Variants in ABCA9 observed in about 807,000 individuals in gnomAD.
ABCA9 encodes the protein ATP binding cassette subfamily A member 9, also known as ATP-binding cassette sub-family A member 9.
Under a neutral mutation model 205.3 loss-of-function variants are expected in ABCA9, and 183 were observed. The ratio of observed to expected loss-of-function variants is 0.89; its 90% confidence interval spans 0.79 to 1.01. The LOEUF (loss-of-function observed/expected upper bound fraction) is 1.01, where lower values mean the gene tolerates loss of function less well. ABCA9 is among the 50% of genes least tolerant of loss of function. ABCA9 has a pLI of 0.00. For missense variants in ABCA9, 1,805 were observed against 1,912.4 expected (o/e 0.94, Z 1.05); for synonymous variants, 651 against 683.3 (o/e 0.95, Z 0.74).
chr17:68,997,394 T>G (rs1289352161), intron 25 of ABCA9, among the ~76,000 whole-genome samples: 1 of 152,098 alleles, frequency 6.6e-6, no homozygotes, highest in African/African-American at 2.4e-5. Context: ...ACTTTATGAA[T>G]TTTTTCTATT....
chr17:68,997,146 G>A (rs1427270339), intron 25 of ABCA9, among the ~76,000 whole-genome samples: 1 of 152,190 alleles, frequency 6.6e-6, no homozygotes, highest in Non-Finnish European at 1.5e-5. Flanking sequence ...GGCTAGGCTG[G>A]TCTCGAACTC....
In ABCA9 at chr17:69,017,933, G is replaced by GT. The variant is rs1318303696; in HGVS notation, c.2768-145dup. On this transcript the variant is annotated intron_variant, in intron 20 of 38. Coordinates refer to ENST00000340001, the MANE Select transcript of ABCA9 (RefSeq NM_080283.4). ...TTAAAAAAGCAGAATTGATGTTCTG[G>GT]TACAACAATCCAGTCTAACATCATA... 22 of 871,026 alleles carry GT rather than the reference G, an allele frequency of 2.5e-5. No homozygotes were observed. The Admixed American group carries it at 5.7e-4, about 22-fold the overall frequency. 54.0% of individuals were successfully genotyped at this position (871,026 alleles called of 1,614,324 possible). A position where few individuals can be genotyped will look rare whatever the true frequency, so the allele number is the denominator to read the frequency against.
Position 69,027,154 on chromosome 17 carries a change from G to C in ABCA9, c.1912-40C>G, listed in dbSNP as rs9899818. On this transcript the variant is annotated intron_variant, in intron 14 of 38. Coordinates refer to ENST00000340001, the MANE Select transcript of ABCA9 (RefSeq NM_080283.4). ...AGTCCTAAAGTAATTCCACCCTTTC[G>C]GATAAGATCCTTTTAAAAAGCACTG... 21 of 1,602,922 alleles carry C rather than the reference G, an allele frequency of 1.3e-5. No homozygotes were observed. In the Admixed American group the frequency reaches 3.7e-4, roughly 28 times the overall value.
rs2069131932 is a variant in ABCA9 at position 68,983,589 on chromosome 17, A to T, written c.4640+120T>A. ...CTTGGAATTGAATTTCTCTTAAGTA[A>T]AGTACTTGCAATTACCATAGAGTTA... On this transcript the variant is annotated intron_variant, in intron 36 of 38. Coordinates refer to ENST00000340001, the MANE Select transcript of ABCA9 (RefSeq NM_080283.4). 2.9e-6 allele frequency: 4 copies of T among 1,357,742 alleles called. No individual in the cohort carries two copies. The South Asian group carries it at 5.8e-5, about 20-fold the overall frequency. The allele number at this position is 1,357,742 out of a possible 1,614,324, so 84.1% of individuals were successfully genotyped here. A position where few individuals can be genotyped will look rare whatever the true frequency, so the allele number is the denominator to read the frequency against.
At chr17:68,980,246 C>T (rs534854362) in intron 37 of ABCA9, among the ~76,000 whole-genome samples, 100 of 152,210 alleles carry the variant, frequency 6.6e-4, no homozygotes, top group African/African-American at 2.3e-3. Flanking sequence ...TACCATCTCA[C>T]ACCAGTTAGA....
upstream of ABCA9, among the ~76,000 whole-genome samples, chr17:69,063,665 C>T (rs1270510493): frequency 6.6e-6 from 1 of 152,072 alleles, no homozygotes; most frequent in Admixed American, 6.5e-5. Context: ...CTCCGCCTCC[C>T]GGGTTCATGC....
intron 16 of ABCA9, among the ~76,000 whole-genome samples, chr17:69,025,915 C>T (rs1194026118): frequency 6.6e-6 from 1 of 151,340 alleles, no homozygotes; most frequent in Non-Finnish European, 1.5e-5. Context: ...TTAGTAAGTA[C>T]CTAAAACATA....
chr17:69,032,691 C>G (rs1276731208), intron 9 of ABCA9: 1 of 155,014 alleles, frequency 6.5e-6, no homozygotes, highest in Non-Finnish European at 1.4e-5. Flanking sequence ...CCTCTGCTTC[C>G]CGGGTTCAAG....
chr17:69,076,813 A>C, the ABCA9 span, among the ~76,000 whole-genome samples: 2 of 152,116 alleles, frequency 1.3e-5, no homozygotes, highest in Non-Finnish European at 2.9e-5. Context: ...TGTTCATAAT[A>C]GTCTCAGAGG....
intron 21 of ABCA9, among the ~76,000 whole-genome samples, chr17:69,017,179 A>G (rs1451606365): frequency 6.6e-6 from 1 of 152,150 alleles, no homozygotes. Context: ...GACACCTAAC[A>G]GCTATGATTT....
chr17:68,998,402 G>A lies in ABCA9; in HGVS notation c.3436-2388C>T, dbSNP rs563778076. Among the ~76,000 whole-genome samples the A allele has an allele frequency of 4.6e-5, 7 of 152,282 alleles. No homozygotes were observed. In the East Asian group the frequency reaches 1.2e-3, roughly 25 times the overall value. On this transcript the variant is annotated intron_variant, in intron 25 of 38. Transcript: ENST00000340001. Reference sequence around the variant, plus strand: ...AAATTCCATTTCCTTTCCCTCAGATGTGTGAAAAGTGACACATGGAATTGT... The same window carrying A: ...AAATTCCATTTCCTTTCCCTCAGATATGTGAAAAGTGACACATGGAATTGT...
At chr17:69,020,632 C>A in intron 18 of ABCA9, 46 bp from the exon 19 acceptor site, 1 of 1,553,256 alleles carries the variant, frequency 6.4e-7, no homozygotes, top group South Asian at 1.1e-5. Context: ...TTTAGTTATG[C>A]ATTATTTAGC....
Position 69,032,249 on chromosome 17 carries a change from A to G in ABCA9, c.1304T>C (p.Leu435Ser). ...CCAAAAACAGGATTTCAGGAAAAAC[A>G]AGGGAGAACATCGATGTCCATATTC... Reference protein sequence around the residue: ...PAEYGHRCSPLFFLKSCFWFQ... With the variant: ...PAEYGHRCSPSFFLKSCFWFQ... The change falls in exon 10 of 39, where the codon TTG becomes TCG. Residue 435 changes from leucine to serine, a missense_variant. Coordinates refer to ENST00000340001, the MANE Select transcript of ABCA9 (RefSeq NM_080283.4). 6.2e-7 allele frequency: 1 copy of G among 1,613,976 alleles called. No homozygotes were observed. Among genetic ancestry groups the G allele is most frequent in the Middle Eastern group, 1.7e-4 (1 of 6,056 alleles).
At chr17:69,049,630 T>C (rs892017719) in intron 2 of ABCA9, 140 bp from the exon 3 acceptor site, 5 of 701,564 alleles carry the variant, frequency 7.1e-6, no homozygotes, top group Admixed American at 3.4e-5. Context: ...TTAAATATCC[T>C]GATTTTCTTT....
the ABCA9 span, among the ~76,000 whole-genome samples, chr17:69,067,341 G>C: frequency 6.6e-6 from 1 of 152,040 alleles, no homozygotes; most frequent in Non-Finnish European, 1.5e-5. Flanking sequence ...GAGTCCAGAA[G>C]TTCAGACCAG....
chr17:69,077,365 G>A, the ABCA9 span, among the ~76,000 whole-genome samples: 1 of 152,138 alleles, frequency 6.6e-6, no homozygotes, highest in Non-Finnish European at 1.5e-5. Context: ...TGTGGTCTGA[G>A]AGTATGGTTG....
intron 27 of ABCA9, 190 bp downstream of exon 27, chr17:68,992,825 AG>A (rs57118532): frequency 0.49 from 152,409 of 309,868 alleles, 29,598 homozygotes; most frequent in Admixed American, 0.52. Context: ...AAAAAAAAAA[AG>A]GGGGGGGGTC....
Position 69,026,985 on chromosome 17 carries a change from T to C in ABCA9, c.2041A>G (p.Ile681Val), listed in dbSNP as rs1186414424. 1 of 1,613,920 alleles carries C rather than the reference T, an allele frequency of 6.2e-7. No homozygotes were observed. The highest frequency in any genetic ancestry group is 1.3e-5 in the African/African-American group (1 of 75,024). Reference sequence around the variant, plus strand: ...AGAAACAAAAAATTACCCGCCAGAATGTCAGCCTCATCTATAAACTGGGTG... The same window carrying C: ...AGAAACAAAAAATTACCCGCCAGAACGTCAGCCTCATCTATAAACTGGGTG... Reference protein sequence around the residue: ...FSTQFIDEADILADRKVFISN... With the variant: ...FSTQFIDEADVLADRKVFISN... The change falls in exon 15 of 39, where the codon ATT becomes GTT. Residue 681 changes from isoleucine to valine, a missense_variant. Transcript: ENST00000340001.
intron 22 of ABCA9, among the ~76,000 whole-genome samples, chr17:69,013,585 C>T (rs1598372123): frequency 6.6e-6 from 1 of 152,236 alleles, no homozygotes; most frequent in East Asian, 1.9e-4. Context: ...CTTCCTTACT[C>T]ATGACTGGGT....
Sources: allele counts gnomAD v4.1 joint callset (sites outside exome capture counted in the v4.1 genomes callset), GRCh38; gene constraint gnomAD v4.1.1; transcripts MANE v1.5; gene names NCBI Gene and HGNC (gene_info 2026-07-23, HGNC 2026-07-21).